TULP4: variants seen among roughly 807,000 people sequenced by gnomAD.
TULP4 encodes tubby-related protein 4.
TULP4 carries 16 observed loss-of-function variants against 129.0 expected under a neutral mutation model. That is an observed-to-expected ratio of 0.12 (90% CI 0.08 to 0.19). TULP4 has a LOEUF of 0.19. TULP4 is among the 10% of genes least tolerant of loss of function. The pLI is 1.00. For missense variants in TULP4, 1,842 were observed against 2,059.1 expected (o/e 0.89, Z 2.04); for synonymous variants, 998 against 854.0 (o/e 1.17, Z -2.94).
intron 1 of TULP4, among the ~76,000 whole-genome samples, chr6:158,300,337 G>C (rs982656984): frequency 3.2e-4 from 49 of 152,184 alleles, no homozygotes; most frequent in African/African-American, 1.2e-3. Context: ...TGCCTGTTCA[G>C]CTGCAGTCAG....
At chr6:158,289,970 C>G (rs1290745695) in intron 1 of TULP4, among the ~76,000 whole-genome samples, 1 of 152,126 alleles carries the variant, frequency 6.6e-6, no homozygotes, top group African/African-American at 2.4e-5. Flanking sequence ...GAGACAGGGT[C>G]TCACCCTGTC....
intron 1 of TULP4, among the ~76,000 whole-genome samples, chr6:158,287,493 A>G (rs1778852921): frequency 6.6e-6 from 1 of 152,206 alleles, no homozygotes; most frequent in South Asian, 2.1e-4. Context: ...AGATGTCTTG[A>G]TGAATAGACA....
chr6:158,498,043 T>C (rs6926070), intron 11 of TULP4, among the ~76,000 whole-genome samples: 65,212 of 152,146 alleles, frequency 0.43, 14,257 homozygotes, highest in African/African-American at 0.53. Context: ...GGCCTTCTCC[T>C]ACATGTCCCT....
chr6:158,451,337 A>G (rs1779159020), intron 4 of TULP4, among the ~76,000 whole-genome samples: 1 of 152,246 alleles, frequency 6.6e-6, no homozygotes, highest in African/African-American at 2.4e-5. Context: ...AAGCAAAGCA[A>G]TAACTGGGCT....
intron 5 of TULP4, among the ~76,000 whole-genome samples, chr6:158,452,601 C>T (rs1019028281): frequency 6.6e-6 from 1 of 152,250 alleles, no homozygotes; most frequent in Non-Finnish European, 1.5e-5. Context: ...CGGACTGCAG[C>T]ACCTGCCATC....
At chr6:158,240,651 ACCCC>A (rs1236639156) in intron 1 of TULP4, among the ~76,000 whole-genome samples, 1 of 89,332 alleles carries the variant, frequency 1.1e-5, no homozygotes, top group Non-Finnish European at 2.4e-5. Flanking sequence ...GTGGAGGCTG[ACCCC>A]CCCACCTCCC....
chr6:158,420,899 GA>G (rs2115030487), intron 2 of TULP4, among the ~76,000 whole-genome samples: 1 of 152,214 alleles, frequency 6.6e-6, no homozygotes, highest in Non-Finnish European at 1.5e-5. Flanking sequence ...ACAAAGCGTC[GA>G]ACTCTGTAAA....
At chr6:158,390,662 G>T (rs1056082655) in intron 1 of TULP4, among the ~76,000 whole-genome samples, 2 of 152,184 alleles carry the variant, frequency 1.3e-5, no homozygotes, top group East Asian at 3.8e-4. Flanking sequence ...ATCGAACGAA[G>T]CCTGTGTACC....
chr6:158,242,420 G>T (rs1402456325), intron 1 of TULP4: 25 of 1,241,242 alleles, frequency 2.0e-5, no homozygotes, highest in Non-Finnish European at 2.8e-5. Context: ...AGTTTCGGAC[G>T]AGATCTCTTT....
At chr6:158,465,233 AT>A in intron 6 of TULP4, among the ~76,000 whole-genome samples, 1 of 152,250 alleles carries the variant, frequency 6.6e-6, no homozygotes, top group East Asian at 1.9e-4. Flanking sequence ...GTGGCTTAGA[AT>A]TTTATTTTTG....
At position 158,510,453 on chromosome 6, in the gene TULP4, C is replaced by G. The variant is rs1156713371; in HGVS notation, c.*3759C>G. The G allele has an allele frequency of 6.6e-6, 1 of 152,194 alleles. No homozygotes were observed. The highest frequency in any genetic ancestry group is 2.4e-5 in the African/African-American group (1 of 41,442). 9.4% of individuals were successfully genotyped at this position (152,194 alleles called of 1,614,324 possible). On this transcript the variant is annotated 3_prime_UTR_variant, in exon 14 of 14. Transcript: ENST00000367097. ...AAATGAAAGGATCAGCCTGGACAGC[C>G]CTCTAAACTCCCTTACAGCTCTCAG...
At chr6:158,232,461 G>C (rs1030213389) in intron 1 of TULP4, among the ~76,000 whole-genome samples, 1 of 150,222 alleles carries the variant, frequency 6.7e-6, no homozygotes, top group Admixed American at 6.6e-5. Context: ...GGGTCGGGGC[G>C]GTGGCTGCGG....
chr6:158,489,610 G>T lies in TULP4; in HGVS notation c.1509G>T (p.Leu503Phe), dbSNP rs747653067. 41 of 1,614,202 alleles carry T rather than the reference G, an allele frequency of 2.5e-5. No homozygotes were observed. The highest frequency in any genetic ancestry group is 3.3e-5 in the Non-Finnish European group (39 of 1,180,042). Residue 503 changes from leucine to phenylalanine, a missense_variant, in exon 9 of 14, where the codon TTG becomes TTT. Physicochemically the swap from Leu to Phe is conservative, Grantham distance 22. This residue lies in a region of TULP4 where 456 missense variants were observed against 534.3 expected (regional missense o/e 0.85). Coordinates refer to ENST00000367097, the MANE Select transcript of TULP4 (RefSeq NM_020245.5). ...CAGATGAAATCTATGGGAACAGCTT[G>T]ATTTCTACTGTGATCGACAGCTGCA... ...SKPDEIYGNS[L>F]ISTVIDSCNC...
At chr6:158,377,394 C>T (rs1777216918) in intron 1 of TULP4, among the ~76,000 whole-genome samples, 1 of 152,214 alleles carries the variant, frequency 6.6e-6, no homozygotes, top group Non-Finnish European at 1.5e-5. Context: ...GGAAGACACT[C>T]TTATCCCCAT....
intron 12 of TULP4, among the ~76,000 whole-genome samples, chr6:158,500,306 G>A (rs2128262033): frequency 6.6e-6 from 1 of 152,288 alleles, no homozygotes; most frequent in Non-Finnish European, 1.5e-5. Flanking sequence ...TCTCCAAGAG[G>A]GATCTGAACA....
intron 8 of TULP4, among the ~76,000 whole-genome samples, chr6:158,485,329 CTA>C (rs1183661589): frequency 6.6e-6 from 1 of 152,172 alleles, no homozygotes; most frequent in Non-Finnish European, 1.5e-5. Context: ...AATATTTAGA[CTA>C]TTCATATTGC....
At chr6:158,293,108 C>A (rs1778973145) in intron 1 of TULP4, among the ~76,000 whole-genome samples, 1 of 152,200 alleles carries the variant, frequency 6.6e-6, no homozygotes, top group Non-Finnish European at 1.5e-5. Context: ...TCTGCAAGCT[C>A]CATTCCCTCC....
chr6:158,318,499 C>T (rs1044520600), intron 1 of TULP4, among the ~76,000 whole-genome samples: 2 of 152,138 alleles, frequency 1.3e-5, no homozygotes, highest in Non-Finnish European at 2.9e-5. Flanking sequence ...TTACAGCAGA[C>T]TCATGGGAAG....
chr6:158,253,629 A>G (rs1778186624), intron 1 of TULP4, among the ~76,000 whole-genome samples: 1 of 152,218 alleles, frequency 6.6e-6, no homozygotes, highest in African/African-American at 2.4e-5. Context: ...GACCAGTAGT[A>G]GCTTCTATTT....
Sources: gnomAD v4.1 joint callset for allele counts (sites outside exome capture counted in the v4.1 genomes callset) on GRCh38, gnomAD v4.1.1 for gene constraint, gnomAD v4.1.1 regional missense constraint, MANE v1.5 for transcripts, NCBI Gene and HGNC (gene_info 2026-07-23, HGNC 2026-07-21) for gene names.